Variants in AP3M2 observed in about 807,000 individuals in gnomAD.
AP3M2 encodes the protein AP-3 complex subunit mu-2.
In AP3M2, 28 loss-of-function variants were observed where a neutral mutation model predicts 41.6. The observed-to-expected ratio is 0.67, with a 90% CI of 0.50 to 0.92. AP3M2 has a LOEUF of 0.92. Among genes scored for constraint, AP3M2 ranks in the 40% least tolerant of loss-of-function variants. The pLI is 0.00. For missense variants in AP3M2, 427 were observed against 521.4 expected (o/e 0.82, Z 1.76); for synonymous variants, 193 against 186.4 (o/e 1.04, Z -0.29).
chr8:42,158,250 GTT>G (rs869114568), intron 3 of AP3M2, 138 bp downstream of exon 3: 3,561 of 223,166 alleles, frequency 0.016, no homozygotes, highest in Middle Eastern at 0.025. Context: ...CTTTGTAGTT[GTT>G]TTTTTTTTTT....
In AP3M2 at chr8:42,162,277, T is replaced by C. The variant is rs1423341743; in HGVS notation, c.446-4T>C. The C allele has an allele frequency of 3.1e-6, 5 of 1,609,176 alleles. No homozygotes were observed. Among genetic ancestry groups the C allele is most frequent in the Admixed American group, 1.7e-5 (1 of 58,892 alleles). On this transcript the variant is annotated splice_polypyrimidine_tract_variant and splice_region_variant and intron_variant, in intron 3 of 8. Transcript: ENST00000396926. ...TTAAAATACAGTAATATTAATTGCC[T>C]CAGGAAGCACGAATGTGGGTGACCA...
intron 5 of AP3M2, 65 bp from the exon 6 acceptor site, chr8:42,165,362 C>G: frequency 1.3e-6 from 2 of 1,577,180 alleles, no homozygotes; most frequent in East Asian, 4.5e-5. Flanking sequence ...ATTTAAATTG[C>G]TTTCCTGAAA....
In AP3M2 at chr8:42,167,418, C is replaced by T. The variant is rs201722815; in HGVS notation, c.1011+47C>T. Reference sequence around the variant, plus strand: ...TGAATTGCTGATGTTAAGCAGAAACCAGTCTGCAGGTTCTCTGTGTAGACT... The same window carrying T: ...TGAATTGCTGATGTTAAGCAGAAACTAGTCTGCAGGTTCTCTGTGTAGACT... On this transcript the variant is annotated intron_variant, in intron 7 of 8. Coordinates refer to ENST00000396926, the MANE Select transcript of AP3M2 (RefSeq NM_006803.4). 29 of 1,599,292 alleles carry T rather than the reference C, an allele frequency of 1.8e-5. No homozygotes were observed. In the African/African-American group the frequency reaches 2.9e-4, roughly 16 times the overall value.
In AP3M2 at chr8:42,167,732, C is replaced by T; in HGVS notation, c.1078C>T (p.Leu360Phe). The change falls in exon 8 of 9, where the codon CTT (leucine) becomes TTT (phenylalanine). Residue 360 changes from leucine to phenylalanine, a missense_variant. Leu to Phe is a conservative substitution (Grantham distance 22, BLOSUM62 0). Transcript: ENST00000396926. ...KLPSLKGTMS[L>F]QAGASKPDEN... ...ACCAAGTTTGAAGGGGACCATGAGT[C>T]TTCAGGCTGGAGCTTCCAAACCAGA... 1 of 1,614,148 alleles carries T rather than the reference C, an allele frequency of 6.2e-7. No individual in the cohort carries two copies. The highest frequency in any genetic ancestry group is 8.5e-7 in the Non-Finnish European group (1 of 1,180,034).
At chr8:42,160,187 T>C (rs1322489450) in intron 3 of AP3M2, among the ~76,000 whole-genome samples, 1 of 152,226 alleles carries the variant, frequency 6.6e-6, no homozygotes, top group Non-Finnish European at 1.5e-5. Context: ...AATCCAGATA[T>C]TCCAAAATTT....
chr8:42,169,015 G>T lies in AP3M2; in HGVS notation c.1211G>T (p.Gly404Val), dbSNP rs1804715793. Residue 404 changes from glycine to valine, a missense_variant, in exon 9 of 9, where the codon GGC (glycine) becomes GTC (valine). Gly to Val is a moderately radical substitution (Grantham distance 109, BLOSUM62 -3). Coordinates refer to ENST00000396926, the MANE Select transcript of AP3M2 (RefSeq NM_006803.4). ...MYGEKYKPFK[G>V]IKYMTKAGKF... ...GGAGAAAAGTACAAACCCTTTAAGG[G>T]CATAAAATACATGACCAAAGCTGGG... The T allele has an allele frequency of 1.2e-6, 2 of 1,611,664 alleles. No homozygotes were observed. Among genetic ancestry groups the T allele is most frequent in the South Asian group, 1.1e-5 (1 of 90,662 alleles).
chr8:42,158,819 C>T (rs1434880138), intron 3 of AP3M2, among the ~76,000 whole-genome samples: 16 of 147,376 alleles, frequency 1.1e-4, no homozygotes, highest in African/African-American at 3.5e-4. Flanking sequence ...TTTGAGATGG[C>T]GTCTTGCTCT....
chr8:42,160,041 A>G (rs1245881136), intron 3 of AP3M2, among the ~76,000 whole-genome samples: 1 of 151,388 alleles, frequency 6.6e-6, no homozygotes, highest in African/African-American at 2.4e-5. Context: ...TATCAGATAT[A>G]TTACAGGTTT....
intron 3 of AP3M2, 158 bp from the exon 4 acceptor site, chr8:42,162,123 G>A (rs1804521080): frequency 1.7e-6 from 1 of 603,496 alleles, no homozygotes; most frequent in Non-Finnish European, 2.7e-6. Context: ...AAATAGACTA[G>A]GTTACCCCAT....
At chr8:42,164,488 G>A (rs1804586936) in intron 4 of AP3M2, among the ~76,000 whole-genome samples, 1 of 152,170 alleles carries the variant, frequency 6.6e-6, no homozygotes, top group African/African-American at 2.4e-5. Context: ...GTTCAGAACT[G>A]AAAAAGCATT....
rs558369479 is a variant in AP3M2, at chr8:42,158,937, G to A, written c.445+825G>A. The stretch of plus-strand genomic sequence containing the variant: ...GCCTCCCGAGTAGCTGGGATTACAG[G>A]CACACGCCACCATGCCCAGCTAATT... On this transcript the variant is annotated intron_variant, in intron 3 of 8. Transcript: ENST00000396926. Among the ~76,000 whole-genome samples, 5 of 152,160 alleles carry A rather than the reference G, an allele frequency of 3.3e-5. No individual in the cohort carries two copies. In the East Asian group the frequency reaches 9.7e-4, roughly 29 times the overall value.
rs1804727351 is a variant in AP3M2, at chr8:42,169,199, T to C, written c.*138T>C. The C allele has an allele frequency of 4.8e-6, 3 of 627,538 alleles. No homozygotes were observed. The highest frequency in any genetic ancestry group is 8.0e-6 in the Non-Finnish European group (3 of 377,066). The allele number at this position is 627,538 out of a possible 1,614,324, so 38.9% of individuals were successfully genotyped here. Reference sequence around the variant, plus strand: ...GCTCCCTTTTTTCCTTAGCCTTCAGTGCCATGGAACTAATCAAGGGAGGAA... The same window carrying C: ...GCTCCCTTTTTTCCTTAGCCTTCAGCGCCATGGAACTAATCAAGGGAGGAA... On this transcript the variant is annotated 3_prime_UTR_variant, in exon 9 of 9. Transcript: ENST00000396926.
At position 42,164,475 on chromosome 8, in the gene AP3M2, G is replaced by A. The variant is rs116956611; in HGVS notation, c.584-596G>A. On this transcript the variant is annotated intron_variant, in intron 4 of 8. Coordinates refer to ENST00000396926, the MANE Select transcript of AP3M2 (RefSeq NM_006803.4). ...AGAGTGTGTAAAGTGAAAGAAAATA[G>A]AAGTTCAGAACTGAAAAAGCATTTA... Among the ~76,000 whole-genome samples, 65 of 152,336 alleles carry A rather than the reference G, an allele frequency of 4.3e-4. No individual in the cohort carries two copies. In the East Asian group the frequency reaches 0.01, roughly 24 times the overall value.
At chr8:42,157,589 C>T in intron 2 of AP3M2, among the ~76,000 whole-genome samples, 1 of 151,990 alleles carries the variant, frequency 6.6e-6, no homozygotes, top group East Asian at 1.9e-4. Context: ...TTTGTTATAT[C>T]AAGTATTATT....
intron 4 of AP3M2, among the ~76,000 whole-genome samples, chr8:42,163,816 ATATTT>A (rs1804571433): frequency 2.0e-5 from 3 of 152,232 alleles, no homozygotes; most frequent in Admixed American, 6.5e-5. Context: ...AAATGTATAT[ATATTT>A]AAAAATTCAT....
rs1804623582 is a variant in AP3M2, at chr8:42,165,756, T to TA, written c.803+200dup. On this transcript the variant is annotated intron_variant, in intron 6 of 8. Transcript: ENST00000396926. ...TTTCTCATCTGTAAATTGAAAATAA[T>TA]AAAAGTGCCTTGTTCTGAAGATTGA... 5.5e-6 allele frequency: 3 copies of TA among 546,982 alleles called. No homozygotes were observed. In the South Asian group the frequency reaches 8.6e-5, roughly 16 times the overall value. The allele number at this position is 546,982 out of a possible 1,614,324, so 33.9% of individuals were successfully genotyped here.
chr8:42,170,451 A>G lies in AP3M2; in HGVS notation c.*1390A>G, dbSNP rs1564120850. 6.6e-6 allele frequency: 1 copy of G among 152,178 alleles called. No individual in the cohort carries two copies. The highest frequency in any genetic ancestry group is 1.5e-5 in the Non-Finnish European group (1 of 68,030). 9.4% of individuals were successfully genotyped at this position (152,178 alleles called of 1,614,324 possible). A position where few individuals can be genotyped will look rare whatever the true frequency, so the allele number is the denominator to read the frequency against. On this transcript the variant is annotated 3_prime_UTR_variant, in exon 9 of 9. Coordinates refer to ENST00000396926, the MANE Select transcript of AP3M2 (RefSeq NM_006803.4). Reference sequence around the variant, plus strand: ...TTTCCCAGTGGGTCATTTTTGTCCTAGTTCAGTGTGTCTGTTACTATTTAA... The same window carrying G: ...TTTCCCAGTGGGTCATTTTTGTCCTGGTTCAGTGTGTCTGTTACTATTTAA...
chr8:42,153,501 G>C (rs1186837372), intron 1 of AP3M2: 1 of 152,826 alleles, frequency 6.5e-6, no homozygotes, highest in South Asian at 2.1e-4. Flanking sequence ...CTGCCTGGCT[G>C]TCTCTCCCTC....
intron 1 of AP3M2, chr8:42,154,175 G>T (rs1477002050): frequency 3.2e-5 from 5 of 156,170 alleles, no homozygotes; most frequent in Non-Finnish European, 5.7e-5. Context: ...GTGCTCGCTG[G>T]TCCCATAGTG....
Sources: allele counts gnomAD v4.1 joint callset (sites outside exome capture counted in the v4.1 genomes callset), GRCh38; gene constraint gnomAD v4.1.1; transcripts MANE v1.5; gene names NCBI Gene and HGNC (gene_info 2026-07-23, HGNC 2026-07-21).